The following COL4A6 variants were observed in gnomAD, a reference collection of about 807,000 sequenced individuals.
COL4A6 encodes the protein collagen alpha-6(IV) chain.
In COL4A6, 59 loss-of-function variants were observed where a neutral mutation model predicts 126.7. The ratio of observed to expected loss-of-function variants is 0.47; its 90% CI spans 0.38 to 0.58. COL4A6 has a LOEUF of 0.58. COL4A6 is among the 20% of genes least tolerant of loss of function. COL4A6 has a pLI of 0.00. For synonymous variants in COL4A6, 547 were observed against 496.6 expected (o/e 1.10, Z -1.35); for missense variants, 1,285 against 1,337.3 (o/e 0.96, Z 0.61).
chrX:108,286,287 G>A (rs1250118733), intron 3 of COL4A6, among the ~76,000 whole-genome samples: 1 of 111,908 alleles, frequency 8.9e-6, no homozygotes, highest in Non-Finnish European at 1.9e-5. Context: ...CAAAAACACC[G>A]AGGGGCAGTC....
chrX:108,295,767 C>T (rs758010479), intron 3 of COL4A6, among the ~76,000 whole-genome samples: 17 of 111,530 alleles, frequency 1.5e-4, no homozygotes, highest in African/African-American at 4.6e-4. Flanking sequence ...TATTTAATGA[C>T]GTTTCCAAGT....
At chrX:108,319,571 ATAAACT>A (rs1181371264) in intron 2 of COL4A6, among the ~76,000 whole-genome samples, 3 of 112,105 alleles carry the variant, frequency 2.7e-5, no homozygotes, top group Admixed American at 1.9e-4. Context: ...AAAAAAAGTG[ATAAACT>A]TAAATTGTTG....
intron 2 of COL4A6, among the ~76,000 whole-genome samples, chrX:108,338,035 T>A (rs1039021598): frequency 9.0e-6 from 1 of 111,194 alleles, no homozygotes; most frequent in Non-Finnish European, 1.9e-5. Context: ...ATTTTTTTTT[T>A]AATAATGGCA....
At chrX:108,411,885 A>T (rs938911996) in intron 2 of COL4A6, among the ~76,000 whole-genome samples, 4 of 110,346 alleles carry the variant, frequency 3.6e-5, no homozygotes, top group Non-Finnish European at 7.6e-5. Flanking sequence ...GTTTGAAGGG[A>T]GGGGTTGCTC....
At chrX:108,249,310 G>A (rs1398502327) in intron 3 of COL4A6, among the ~76,000 whole-genome samples, 1 of 110,318 alleles carries the variant, frequency 9.1e-6, no homozygotes, top group Non-Finnish European at 1.9e-5. Flanking sequence ...GATACAACAG[G>A]ATATAGAGTC....
chrX:108,391,571 T>C (rs911540758), intron 2 of COL4A6, among the ~76,000 whole-genome samples: 3 of 112,142 alleles, frequency 2.7e-5, no homozygotes, highest in Non-Finnish European at 5.6e-5. Context: ...ACTGCTGTGC[T>C]AGCAGCAAGA....
intron 2 of COL4A6, among the ~76,000 whole-genome samples, chrX:108,367,912 A>T (rs887555446): frequency 1.8e-5 from 2 of 111,728 alleles, no homozygotes; most frequent in African/African-American, 3.3e-5. Context: ...TTGCCATGTG[A>T]CCATGCTCCT....
intron 3 of COL4A6, among the ~76,000 whole-genome samples, chrX:108,264,509 C>T (rs771010273): frequency 1.2e-4 from 13 of 111,708 alleles, no homozygotes; most frequent in South Asian, 3.8e-4. Flanking sequence ...TGCAGGAGAG[C>T]GCTTGAGCTT....
In COL4A6 at chrX:108,384,019, G is replaced by C. The variant is rs181252652; in HGVS notation, c.63+53923C>G. The C allele has an allele frequency of 9.1e-5, 69 of 760,034 alleles. 1 individual carries two copies. In the East Asian group the frequency reaches 2.9e-3, roughly 32 times the overall value. The allele number at this position is 760,034 out of a possible 1,213,427, so 62.6% of individuals were successfully genotyped here. A position where few individuals can be genotyped will look rare whatever the true frequency, so the allele number is the denominator to read the frequency against. On this transcript the variant is annotated intron_variant, in intron 2 of 44. Coordinates refer to ENST00000334504, the MANE Select transcript of COL4A6 (RefSeq NM_033641.4). ...TGTATTTTTTATTGCATCTAAGTTT[G>C]GTTACTTATATTTACATATTGATTT...
intron 17 of COL4A6, among the ~76,000 whole-genome samples, chrX:108,193,033 G>A (rs893939844): frequency 2.7e-5 from 3 of 112,150 alleles, no homozygotes; most frequent in Non-Finnish European, 5.6e-5. Context: ...ATCCATGGAA[G>A]AGTCACTACA....
At chrX:108,221,769 A>T (rs2036024605) in intron 3 of COL4A6, among the ~76,000 whole-genome samples, 1 of 112,682 alleles carries the variant, frequency 8.9e-6, no homozygotes, top group Admixed American at 9.3e-5. Flanking sequence ...CCAAATGGCC[A>T]ACCATGTGCT....
rs865851476 is a variant in COL4A6, at chrX:108,191,406, T to G, written c.1308A>C (p.Pro436=). ...TGAGTAACTTACTAGGTGGGCCTGG[T>G]GGACCTGGTGGGCCTGGCAAACCAT... The part of the protein sequence containing the change: ...GRDGLPGPPG[P]PGPPSPEFET... Residue 436 remains proline (P), a synonymous_variant, in exon 19 of 45, where the codon CCA becomes CCC. Transcript: ENST00000334504. 1.7e-5 allele frequency: 20 copies of G among 1,210,145 alleles called. No homozygotes were observed. The Middle Eastern group carries it at 2.1e-3, about 126-fold the overall frequency.
At chrX:108,190,026 G>C (rs2034990322) in intron 20 of COL4A6, among the ~76,000 whole-genome samples, 1 of 112,395 alleles carries the variant, frequency 8.9e-6, no homozygotes. Flanking sequence ...AGCCAGTTGG[G>C]TTTTTCAGAG....
intron 2 of COL4A6, among the ~76,000 whole-genome samples, chrX:108,349,986 A>C (rs894552251): frequency 3.6e-5 from 4 of 111,704 alleles, no homozygotes; most frequent in African/African-American, 1.3e-4. Context: ...CAGAAATGTC[A>C]GCTAACTTAC....
At chrX:108,383,003 A>AT in intron 2 of COL4A6, among the ~76,000 whole-genome samples, 1 of 105,969 alleles carries the variant, frequency 9.4e-6, no homozygotes, top group African/African-American at 3.4e-5. Flanking sequence ...AATAATAATA[A>AT]ACCCTTTTGA....
chrX:108,285,119 C>T (rs2037971744), intron 3 of COL4A6, among the ~76,000 whole-genome samples: 1 of 111,730 alleles, frequency 9.0e-6, no homozygotes, highest in Non-Finnish European at 1.9e-5. Flanking sequence ...CTACTGGGTG[C>T]CCAGTGGGAA....
chrX:108,352,977 A>C (rs1398520257), intron 2 of COL4A6, among the ~76,000 whole-genome samples: 1 of 112,402 alleles, frequency 8.9e-6, no homozygotes, highest in Non-Finnish European at 1.9e-5. Context: ...ATCCCCCATC[A>C]GTGGAATCCC....
At chrX:108,400,172 T>C (rs781465897) in intron 2 of COL4A6, among the ~76,000 whole-genome samples, 1 of 111,692 alleles carries the variant, frequency 9.0e-6, no homozygotes, top group Non-Finnish European at 1.9e-5. Context: ...CCCTCTTTAC[T>C]GCTGGGCAAA....
chrX:108,410,960 C>T (rs1454393570), intron 2 of COL4A6, among the ~76,000 whole-genome samples: 1 of 112,389 alleles, frequency 8.9e-6, no homozygotes, highest in Non-Finnish European at 1.9e-5. Flanking sequence ...ACAATCATTT[C>T]CCAAGCTTTT....
Sources: allele counts gnomAD v4.1 joint callset (sites outside exome capture counted in the v4.1 genomes callset), GRCh38; gene constraint gnomAD v4.1.1; transcripts MANE v1.5; gene names NCBI Gene and HGNC (gene_info 2026-07-23, HGNC 2026-07-21).